FAF2: variants seen among roughly 807,000 people sequenced by gnomAD.
FAF2 encodes the protein Fas associated factor family member 2, also known as FAS-associated factor 2.
A neutral mutation model predicts 62.3 loss-of-function variants in FAF2; 9 were observed. The ratio of observed to expected loss-of-function variants is 0.14; its 90% CI spans 0.09 to 0.25. The LOEUF is 0.25. FAF2 is among the 10% of genes least tolerant of loss of function. FAF2 has a pLI of 1.00. For missense variants in FAF2, 368 were observed against 556.2 expected (o/e 0.66, Z 3.40); for synonymous variants, 202 against 198.0 (o/e 1.02, Z -0.17).
At chr5:176,479,844 A>T (rs1758760369) in intron 2 of FAF2, among the ~76,000 whole-genome samples, 1 of 152,016 alleles carries the variant, frequency 6.6e-6, no homozygotes. Flanking sequence ...TTACAGGCAG[A>T]CACCACTGCA....
In FAF2 at chr5:176,499,075, G is replaced by C; in HGVS notation, c.1001G>C (p.Arg334Thr). Reference protein sequence around the residue: ...EVQQQKLAEERRRQNLQEEKE... With the variant: ...EVQQQKLAEETRRQNLQEEKE... ...CAACAGCAAAAGTTGGCAGAGGAGA[G>C]ACGGCGGCAGGTAATGGACGTGTGG... Residue 334 changes from arginine (R) to threonine (T), a missense_variant, in exon 9 of 11, where the codon AGA becomes ACA. Physicochemically the swap from Arg to Thr is moderately conservative, Grantham distance 71. Coordinates refer to ENST00000261942, the MANE Select transcript of FAF2 (RefSeq NM_014613.3). 6.3e-7 allele frequency: 1 copy of C among 1,586,426 alleles called. No homozygotes were observed. The highest frequency in any genetic ancestry group is 8.6e-7 in the Non-Finnish European group (1 of 1,164,888).
At chr5:176,463,445 T>C (rs1758415041) in intron 1 of FAF2, among the ~76,000 whole-genome samples, 2 of 152,104 alleles carry the variant, frequency 1.3e-5, no homozygotes, top group African/African-American at 4.8e-5. Context: ...TCTAATTGTA[T>C]TACTTCAGAA....
chr5:176,484,634 T>A (rs550291791), intron 2 of FAF2, among the ~76,000 whole-genome samples: 4 of 152,146 alleles, frequency 2.6e-5, no homozygotes, highest in Non-Finnish European at 5.9e-5. Context: ...GGCTCATGCC[T>A]GTAATCCCAG....
chr5:176,451,674 C>T (rs1222583048), intron 1 of FAF2, among the ~76,000 whole-genome samples: 5 of 146,114 alleles, frequency 3.4e-5, no homozygotes, highest in African/African-American at 1.3e-4. Flanking sequence ...TTCTGTGTAA[C>T]TTAATGGAGA....
In FAF2 at chr5:176,460,160, T is replaced by G. The variant is rs527434180; in HGVS notation, c.63+11690T>G. ...GATGGGCATCTAGGTTGATTCCATG[T>G]CTTTGCTATCATGAATAATGCTGTG... is the stretch of plus-strand genomic sequence containing the variant. On this transcript the variant is annotated intron_variant, in intron 1 of 10. Coordinates refer to ENST00000261942, the MANE Select transcript of FAF2 (RefSeq NM_014613.3). Among the ~76,000 whole-genome samples, 3 of 152,334 alleles carry G rather than the reference T, an allele frequency of 2.0e-5. No homozygotes were observed. In the South Asian group the frequency reaches 6.2e-4, roughly 32 times the overall value.
At position 176,460,196 on chromosome 5, in the gene FAF2, G is replaced by A. The variant is rs181507735; in HGVS notation, c.63+11726G>A. Among the ~76,000 whole-genome samples the A allele has an allele frequency of 7.3e-3, 1,105 of 152,274 alleles. 10 individuals carry two copies. The highest frequency in any genetic ancestry group is 0.013 in the Non-Finnish European group (909 of 68,030). Reference sequence around the variant, plus strand: ...ATGAATAATGCTGTGATCAACATATGAGTGTGTGTCTTTTTGGTAGAACGA... The same window carrying A: ...ATGAATAATGCTGTGATCAACATATAAGTGTGTGTCTTTTTGGTAGAACGA... On this transcript the variant is annotated intron_variant, in intron 1 of 10. Coordinates refer to ENST00000261942, the MANE Select transcript of FAF2 (RefSeq NM_014613.3).
chr5:176,458,490 A>G (rs766919276), intron 1 of FAF2, among the ~76,000 whole-genome samples: 4 of 121,132 alleles, frequency 3.3e-5, no homozygotes, highest in African/African-American at 9.7e-5. Context: ...GCTCACTGCA[A>G]CCTCCCAAGT....
At chr5:176,506,698 CGTGT>C in intron 10 of FAF2, 66 bp from the exon 11 acceptor site, 2 of 175,258 alleles carry the variant, frequency 1.1e-5, no homozygotes, top group Non-Finnish European at 8.6e-6. Context: ...GTTGTGTGTG[CGTGT>C]GTGCGTGTGT....
intron 10 of FAF2, among the ~76,000 whole-genome samples, chr5:176,501,945 T>TG (rs935106374): frequency 1.3e-5 from 2 of 152,048 alleles, no homozygotes; most frequent in African/African-American, 2.4e-5. Context: ...TTAGTAGAGA[T>TG]GGGGTTTCAC....
At chr5:176,487,096 T>G (rs143797006) in intron 3 of FAF2, among the ~76,000 whole-genome samples, 5 of 152,330 alleles carry the variant, frequency 3.3e-5, no homozygotes, top group Non-Finnish European at 5.9e-5. Flanking sequence ...ATACTTGCAT[T>G]TAGAATCCTA....
intron 2 of FAF2, among the ~76,000 whole-genome samples, chr5:176,480,959 T>A (rs867303830): frequency 1.2e-4 from 19 of 152,158 alleles, no homozygotes; most frequent in African/African-American, 4.1e-4. Flanking sequence ...AAGTATAATT[T>A]AAAAAAATAA....
intron 5 of FAF2, among the ~76,000 whole-genome samples, chr5:176,493,438 C>T (rs1252016494): frequency 6.6e-6 from 1 of 152,206 alleles, no homozygotes; most frequent in Non-Finnish European, 1.5e-5. Context: ...GGAGCACGCA[C>T]ATGCAGGAGC....
At chr5:176,499,926 G>A (rs1581075778) in intron 9 of FAF2, 77 bp from the exon 10 acceptor site, 8 of 1,536,414 alleles carry the variant, frequency 5.2e-6, no homozygotes, top group South Asian at 3.6e-5. Flanking sequence ...TTCTTCTGAC[G>A]ACTGCGTAAT....
chr5:176,479,690 A>G (rs1202557030), intron 2 of FAF2, among the ~76,000 whole-genome samples: 1 of 151,916 alleles, frequency 6.6e-6, no homozygotes, highest in East Asian at 1.9e-4. Context: ...TGTCCTCACT[A>G]TAATGCCTCT....
intron 8 of FAF2, among the ~76,000 whole-genome samples, chr5:176,498,319 T>C (rs1001347979): frequency 1.3e-5 from 2 of 152,260 alleles, no homozygotes; most frequent in African/African-American, 4.8e-5. Flanking sequence ...TGCATTTCAC[T>C]GCATGTAAAT....
chr5:176,460,276 T>C (rs1167878122), intron 1 of FAF2, among the ~76,000 whole-genome samples: 1 of 152,186 alleles, frequency 6.6e-6, no homozygotes, highest in Non-Finnish European at 1.5e-5. Flanking sequence ...CAATTGATAG[T>C]TCTGGTTTTT....
rs1038251599 is a variant in FAF2 at position 176,479,267 on chromosome 5, A to T, written c.132+11A>T. ...AACTGGAACATAGAGGTATAATAGG[A>T]TGTGTTCTGAGCTTATTTCTTTTTC... is the stretch of plus-strand genomic sequence containing the variant. On this transcript the variant is annotated intron_variant, in intron 2 of 10. Transcript: ENST00000261942. 1.2e-6 allele frequency: 2 copies of T among 1,604,780 alleles called. No homozygotes were observed. The highest frequency in any genetic ancestry group is 1.7e-6 in the Non-Finnish European group (2 of 1,171,564).
In FAF2 at chr5:176,494,334, A is replaced by G; in HGVS notation, c.661+59A>G. 1 of 1,367,342 alleles carries G rather than the reference A, an allele frequency of 7.3e-7. No individual in the cohort carries two copies. The allele number at this position is 1,367,342 out of a possible 1,614,324, so 84.7% of individuals were successfully genotyped here. ...TTGGAGTATCTTTGGAATAGTCTGG[A>G]AAGACATGCCATGCCATTTATTACA... On this transcript the variant is annotated intron_variant, in intron 7 of 10. Transcript: ENST00000261942. The surrounding 1 kb of genome is among the most constrained non-coding windows in gnomAD (Gnocchi z 4.0).
intron 1 of FAF2, among the ~76,000 whole-genome samples, chr5:176,455,340 T>C (rs1195847964): frequency 6.6e-6 from 1 of 152,016 alleles, no homozygotes; most frequent in African/African-American, 2.4e-5. Context: ...TCCCAGCTAC[T>C]TGGGAGACTG....
Sources: gnomAD v4.1 joint callset for allele counts (sites outside exome capture counted in the v4.1 genomes callset) on GRCh38, gnomAD v4.1.1 for gene constraint, Gnocchi (gnomAD v3.1) non-coding constraint, MANE v1.5 for transcripts, NCBI Gene and HGNC (gene_info 2026-07-23, HGNC 2026-07-21) for gene names.